The following KIF27 variants were observed in gnomAD, a reference collection of about 807,000 sequenced individuals.
The protein encoded by KIF27 is kinesin family member 27.
A neutral mutation model predicts 141.8 loss-of-function variants in KIF27; 84 were observed. The ratio of observed to expected loss-of-function variants is 0.59; its 90% CI spans 0.50 to 0.71. KIF27 has a LOEUF of 0.71. KIF27 is among the 30% of genes least tolerant of loss of function. KIF27 has a pLI of 0.00. For missense variants in KIF27, 1,306 were observed against 1,628.4 expected (o/e 0.80, Z 3.41); for synonymous variants, 471 against 569.5 (o/e 0.83, Z 2.46).
intron 14 of KIF27, 187 bp downstream of exon 14, chr9:83,858,969 A>G (rs1321612577): frequency 6.6e-6 from 4 of 605,908 alleles, no homozygotes; most frequent in Non-Finnish European, 1.2e-5. Context: ...CTATGTAAGG[A>G]TATCTCAGTC....
chr9:83,846,727 CTTCCTG>C (rs1392622460), intron 16 of KIF27, among the ~76,000 whole-genome samples: 1 of 152,168 alleles, frequency 6.6e-6, no homozygotes, highest in African/African-American at 2.4e-5. Flanking sequence ...AACATTTTTG[CTTCCTG>C]TTCCCGCAAT....
chr9:83,854,595 T>A (rs2131763279), intron 14 of KIF27, among the ~76,000 whole-genome samples: 1 of 152,326 alleles, frequency 6.6e-6, no homozygotes, highest in African/African-American at 2.4e-5. Flanking sequence ...ACACAGGGTC[T>A]CGCTATGTTG....
intron 11 of KIF27, among the ~76,000 whole-genome samples, chr9:83,871,662 G>A (rs547285624): frequency 4.6e-5 from 7 of 151,542 alleles, no homozygotes; most frequent in Non-Finnish European, 1.0e-4. Context: ...CTTATGAAGT[G>A]CATTTTCCAA....
chr9:83,909,536 G>A (rs1334989454), intron 2 of KIF27, among the ~76,000 whole-genome samples: 1 of 151,434 alleles, frequency 6.6e-6, no homozygotes, highest in African/African-American at 2.4e-5. Flanking sequence ...ATCACTTGAA[G>A]CTGGGAGGTG....
At chr9:83,859,008 A>G (rs1564315182) in intron 14 of KIF27, 148 bp downstream of exon 14, 6 of 662,068 alleles carry the variant, frequency 9.1e-6, no homozygotes, top group East Asian at 2.7e-5. Context: ...ATGGTGCCAA[A>G]TAAGTGCCAG....
chr9:83,908,108 A>G (rs577711798), intron 3 of KIF27, among the ~76,000 whole-genome samples: 1 of 152,166 alleles, frequency 6.6e-6, no homozygotes, highest in East Asian at 1.9e-4. Flanking sequence ...CTAAAAATAC[A>G]AAAATTAGCC....
chr9:83,903,041 A>G lies in KIF27; in HGVS notation c.1458+19T>C. ...ATCAATAAAATAAATAAATAAATAA[A>G]TAAGTGATGTCTAAGTACCTGGCAT... is the stretch of plus-strand genomic sequence containing the variant. On this transcript the variant is annotated intron_variant, in intron 4 of 17. Transcript: ENST00000297814. The G allele has an allele frequency of 7.0e-7, 1 of 1,431,322 alleles. No homozygotes were observed. Among genetic ancestry groups the G allele is most frequent in the Non-Finnish European group, 9.6e-7 (1 of 1,040,326 alleles). The allele number at this position is 1,431,322 out of a possible 1,614,324, so 88.7% of individuals were successfully genotyped here.
intron 16 of KIF27, among the ~76,000 whole-genome samples, chr9:83,848,465 TATATGTATATATACATATAG>T (rs1458147620): frequency 4.2e-5 from 6 of 143,726 alleles, no homozygotes; most frequent in Non-Finnish European, 3.0e-5. Flanking sequence ...TATCTATATC[TATATGTATATATACATATAG>T]ATATGTATAT....
intron 4 of KIF27, among the ~76,000 whole-genome samples, chr9:83,902,425 A>G (rs375961041): frequency 1.3e-5 from 2 of 152,316 alleles, no homozygotes; most frequent in East Asian, 3.9e-4. Context: ...ACGACATACA[A>G]TCTTCACACA....
At chr9:83,857,407 C>T (rs1949353568) in intron 14 of KIF27, among the ~76,000 whole-genome samples, 2 of 152,032 alleles carry the variant, frequency 1.3e-5, no homozygotes, top group Non-Finnish European at 2.9e-5. Flanking sequence ...GAGAGGTACA[C>T]TAAGAAGAAC....
At chr9:83,919,659 C>G (rs1956060013) in intron 1 of KIF27, among the ~76,000 whole-genome samples, 1 of 150,958 alleles carries the variant, frequency 6.6e-6, no homozygotes, top group Non-Finnish European at 1.5e-5. Context: ...CTTTGGGAGG[C>G]CAGGGCGGGT....
chr9:83,910,646 G>T (rs917131112), intron 2 of KIF27, among the ~76,000 whole-genome samples: 1 of 152,126 alleles, frequency 6.6e-6, no homozygotes, highest in African/African-American at 2.4e-5. Flanking sequence ...TTATGCCCAG[G>T]CCTAGACCCT....
chr9:83,889,759 C>G (rs1009829873), intron 6 of KIF27, among the ~76,000 whole-genome samples: 1 of 152,034 alleles, frequency 6.6e-6, no homozygotes, highest in Non-Finnish European at 1.5e-5. Context: ...AATGTATATA[C>G]TTATTCTTTA....
intron 13 of KIF27, among the ~76,000 whole-genome samples, chr9:83,867,404 A>T (rs1373056189): frequency 1.3e-5 from 2 of 151,998 alleles, no homozygotes; most frequent in African/African-American, 4.8e-5. Context: ...CTATCCATCC[A>T]TCCATCCATC....
At chr9:83,895,591 A>G (rs1953125475) in intron 5 of KIF27, among the ~76,000 whole-genome samples, 1 of 152,062 alleles carries the variant, frequency 6.6e-6, no homozygotes, top group Non-Finnish European at 1.5e-5. Context: ...TTGAGACAAA[A>G]TTCACATACT....
intron 11 of KIF27, among the ~76,000 whole-genome samples, chr9:83,874,264 A>T (rs1244982560): frequency 6.6e-6 from 1 of 152,192 alleles, no homozygotes; most frequent in African/African-American, 2.4e-5. Flanking sequence ...CATTTTATAG[A>T]TGAGGAAATG....
In KIF27 at chr9:83,870,524, G is replaced by A; in HGVS notation, c.2752C>T (p.Leu918Phe). 1.9e-6 allele frequency: 3 copies of A among 1,613,734 alleles called. No individual in the cohort carries two copies. The highest frequency in any genetic ancestry group is 2.7e-5 in the African/African-American group (2 of 75,008). The change falls in exon 12 of 18, where the codon CTC becomes TTC. Residue 918 changes from leucine to phenylalanine, a missense_variant. Physicochemically the swap from Leu to Phe is conservative, Grantham distance 22. Coordinates refer to ENST00000297814, the MANE Select transcript of KIF27 (RefSeq NM_017576.4). ...ACTAAATAGAATTGACAAACCTGGA[G>A]ATGGTCTATACTTCCAAACGAACCT... ...RKGSFGSIDH[L>F]QKLDEQKKWL...
intron 2 of KIF27, 123 bp downstream of exon 2, chr9:83,915,171 T>G (rs552770186): frequency 2.8e-6 from 2 of 717,040 alleles, no homozygotes; most frequent in African/African-American, 3.6e-5. Flanking sequence ...CACATTTGAT[T>G]ACATGATTCA....
chr9:83,849,936 C>T (rs1948345770), intron 16 of KIF27, among the ~76,000 whole-genome samples, 163 bp downstream of exon 16: 1 of 152,188 alleles, frequency 6.6e-6, no homozygotes, highest in Non-Finnish European at 1.5e-5. Context: ...ACAAAGTCAA[C>T]TGTCCCAAAA....
Sources: allele counts gnomAD v4.1 joint callset (sites outside exome capture counted in the v4.1 genomes callset), GRCh38; gene constraint gnomAD v4.1.1; transcripts MANE v1.5; gene names NCBI Gene and HGNC (gene_info 2026-07-23, HGNC 2026-07-21).